Variants in ASIC2 observed in about 807,000 individuals in gnomAD.
ASIC2 encodes acid-sensing ion channel 2.
A neutral mutation model predicts 57.3 loss-of-function variants in ASIC2; 25 were observed. That is an observed-to-expected ratio of 0.44 (90% CI 0.32 to 0.61). The LOEUF is 0.61. Ranked by LOEUF, ASIC2 falls within the 20% of genes least tolerant of loss-of-function variation. The probability of loss-of-function intolerance (pLI) is 0.06; values close to 1 mark genes in which losing one functional copy is unlikely to be tolerated. For missense variants in ASIC2, 641 were observed against 738.1 expected, an observed-to-expected ratio of 0.87 and a Z score of 1.52; for synonymous variants, 319 against 307.5, an observed-to-expected ratio of 1.04 and a Z score of -0.39.
At chr17:33,807,831 T>C (rs1420315506) in intron 1 of ASIC2, among the ~76,000 whole-genome samples, 2 of 152,268 alleles carry the variant, frequency 1.3e-5, no homozygotes, top group Non-Finnish European at 2.9e-5. Context: ...ATTTTCCATC[T>C]GTACATTTTC....
chr17:33,315,122 A>T (rs1188843866), intron 1 of ASIC2, among the ~76,000 whole-genome samples: 1 of 152,190 alleles, frequency 6.6e-6, no homozygotes, highest in African/African-American at 2.4e-5. Context: ...CATCTGTATA[A>T]TGGGGGTAAC....
intron 1 of ASIC2, among the ~76,000 whole-genome samples, chr17:33,464,518 T>TTTTCTTTC (rs1567621064): frequency 1.5e-4 from 6 of 40,752 alleles, no homozygotes; most frequent in Non-Finnish European, 3.1e-4. Flanking sequence ...CTTTCTTTCT[T>TTTTCTTTC]TCTTTCTTTC....
intron 1 of ASIC2, among the ~76,000 whole-genome samples, chr17:33,334,150 C>T (rs938603945): frequency 6.6e-5 from 10 of 152,190 alleles, no homozygotes; most frequent in Admixed American, 3.3e-4. Context: ...GAGTTTGAAA[C>T]CTTCAGGACT....
At chr17:33,851,714 A>C in intron 1 of ASIC2, among the ~76,000 whole-genome samples, 1 of 152,206 alleles carries the variant, frequency 6.6e-6, no homozygotes, top group Non-Finnish European at 1.5e-5. Flanking sequence ...AGACGCCAGT[A>C]GTATCCCCAG....
intron 1 of ASIC2, among the ~76,000 whole-genome samples, chr17:33,994,127 A>T (rs918190818): frequency 3.9e-5 from 6 of 152,144 alleles, no homozygotes; most frequent in Non-Finnish European, 8.8e-5. Context: ...GGGCCAGCTC[A>T]AGCCTATTAC....
At chr17:33,065,075 G>A (rs1262642492) in intron 3 of ASIC2, among the ~76,000 whole-genome samples, 1 of 152,138 alleles carries the variant, frequency 6.6e-6, no homozygotes, top group Non-Finnish European at 1.5e-5. Flanking sequence ...CTGGGAAATG[G>A]GGACATATCA....
At chr17:33,409,398 T>G (rs1910578245) in intron 1 of ASIC2, among the ~76,000 whole-genome samples, 1 of 152,132 alleles carries the variant, frequency 6.6e-6, no homozygotes, top group South Asian at 2.1e-4. Context: ...TTCCCAACTT[T>G]GGGAGAGACT....
intron 1 of ASIC2, among the ~76,000 whole-genome samples, chr17:33,575,513 C>T (rs1483289029): frequency 2.0e-5 from 3 of 152,164 alleles, no homozygotes; most frequent in African/African-American, 7.2e-5. Flanking sequence ...AAGAAAGGAG[C>T]TCTGTGACAA....
At chr17:33,063,494 C>T (rs1258588021) in intron 3 of ASIC2, among the ~76,000 whole-genome samples, 1 of 152,082 alleles carries the variant, frequency 6.6e-6, no homozygotes, top group Non-Finnish European at 1.5e-5. Flanking sequence ...TTGGCCCCCC[C>T]TCTCTTCTGG....
chr17:33,627,865 G>A (rs1168684950), intron 1 of ASIC2, among the ~76,000 whole-genome samples: 1 of 152,106 alleles, frequency 6.6e-6, no homozygotes, highest in Non-Finnish European at 1.5e-5. Context: ...TTCTCAGGCT[G>A]TCTCCAGCTT....
At chr17:33,382,635 G>A (rs1394323441) in intron 1 of ASIC2, among the ~76,000 whole-genome samples, 5 of 152,190 alleles carry the variant, frequency 3.3e-5, no homozygotes, top group Admixed American at 2.0e-4. Flanking sequence ...CAGCTCATTC[G>A]ATTCCCTGTA....
Position 33,279,318 on chromosome 17 carries a change from G to C in ASIC2, c.708+12090C>G, listed in dbSNP as rs139814539. Among the ~76,000 whole-genome samples the C allele has an allele frequency of 3.1e-3, 472 of 152,248 alleles. 10 individuals carry two copies. The highest frequency in any genetic ancestry group is 0.028 in the Admixed American group (427 of 15,294). ...TCTAAGCACCCAGTTGTCTAGAATA[G>C]ACAGGGCATCAGAGGCAGAGATGGT... On this transcript the variant is annotated intron_variant, in intron 1 of 9. Transcript: ENST00000225823.
chr17:33,839,795 C>CCAGCAG (rs939316298), intron 1 of ASIC2, among the ~76,000 whole-genome samples: 4 of 152,000 alleles, frequency 2.6e-5, no homozygotes, highest in African/African-American at 4.8e-5. Flanking sequence ...CAGGTACCAC[C>CCAGCAG]CAGCAGCAGC....
chr17:33,089,084 C>A, intron 2 of ASIC2, 94 bp from the exon 3 acceptor site: 1 of 1,523,832 alleles, frequency 6.6e-7, no homozygotes, highest in Admixed American at 1.9e-5. Context: ...GCTGAAAAGA[C>A]CCTGTGATAA....
rs191152315 is a variant in ASIC2, at chr17:33,359,700, G to T, written c.556-247633C>A. Among the ~76,000 whole-genome samples, 295 of 152,342 alleles carry T rather than the reference G, an allele frequency of 1.9e-3. 1 individual carries two copies. The highest frequency in any genetic ancestry group is 4.6e-3 in the South Asian group (22 of 4,824). ...AATCATTTGGGGAACTTGTAGCAAA[G>T]TTCCTTAAAGGGCACTAACTTAAGA... On this transcript the variant is annotated intron_variant, in intron 1 of 9. Transcript: ENST00000359872.
chr17:33,710,536 C>CA (rs1222831050), intron 1 of ASIC2, among the ~76,000 whole-genome samples: 4 of 152,136 alleles, frequency 2.6e-5, no homozygotes, highest in Admixed American at 2.0e-4. Flanking sequence ...GGAGGCTTCC[C>CA]AGAGGAGATA....
intron 1 of ASIC2, among the ~76,000 whole-genome samples, chr17:34,047,696 G>C (rs556053867): frequency 2.6e-5 from 4 of 152,154 alleles, no homozygotes; most frequent in African/African-American, 9.6e-5. Flanking sequence ...ATGGAATGCT[G>C]CAGAAGTGAC....
At chr17:33,245,528 T>G (rs922270287) in intron 1 of ASIC2, among the ~76,000 whole-genome samples, 1 of 152,124 alleles carries the variant, frequency 6.6e-6, no homozygotes, top group Non-Finnish European at 1.5e-5. Context: ...AGGCAGACAA[T>G]GCACAAATAA....
chr17:34,156,174 T>G lies in ASIC2; in HGVS notation c.359A>C (p.Asn120Thr). ...CAGATGGGGGTCCGGGATCTGCAGG[T>G]TGACATCCAGCAGGGCCAGCAGCTC... Residue 120 changes from asparagine to threonine, a missense_variant, in exon 1 of 10, where the codon AAC becomes ACC. Transcript: ENST00000359872. This position sits in a 1 kb window ranked among gnomAD's most constrained non-coding sequence, Gnocchi z 4.4. 6.2e-7 allele frequency: 1 copy of G among 1,613,924 alleles called. No individual in the cohort carries two copies. The highest frequency in any genetic ancestry group is 1.1e-5 in the South Asian group (1 of 91,046).
Sources: gnomAD v4.1 joint callset for allele counts (sites outside exome capture counted in the v4.1 genomes callset) on GRCh38, gnomAD v4.1.1 for gene constraint, Gnocchi (gnomAD v3.1) non-coding constraint, MANE v1.5 for transcripts, NCBI Gene and HGNC (gene_info 2026-07-23, HGNC 2026-07-21) for gene names.